The following GNAQ variants were observed in gnomAD, a reference collection of about 807,000 sequenced individuals.
GNAQ encodes the protein G protein subunit alpha q.
A neutral mutation model predicts 43.9 loss-of-function variants in GNAQ; 8 were observed. The observed-to-expected ratio is 0.18, with a 90% CI of 0.11 to 0.33. The LOEUF is 0.33. Ranked by LOEUF, GNAQ falls within the 10% of genes least tolerant of loss-of-function variation. The pLI is 1.00. For missense variants in GNAQ, 158 were observed against 450.8 expected, an observed-to-expected ratio of 0.35 and a Z score of 5.88; for synonymous variants, 155 against 170.7, an observed-to-expected ratio of 0.91 and a Z score of 0.71.
intron 2 of GNAQ, among the ~76,000 whole-genome samples, chr9:77,893,496 A>C (rs1828437885): frequency 6.6e-6 from 1 of 152,244 alleles, no homozygotes. Context: ...TTTAGCACAG[A>C]ATCAAGAAAT....
intron 5 of GNAQ, among the ~76,000 whole-genome samples, chr9:77,743,224 C>T (rs1480036599): frequency 1.3e-5 from 2 of 152,152 alleles, no homozygotes; most frequent in East Asian, 3.9e-4. Context: ...TGCCACTGCA[C>T]TCCAGCCTCA....
At chr9:77,809,978 A>C (rs887672931) in intron 3 of GNAQ, among the ~76,000 whole-genome samples, 2 of 152,190 alleles carry the variant, frequency 1.3e-5, no homozygotes, top group African/African-American at 4.8e-5. Flanking sequence ...AAACATGGCT[A>C]AGTTTTCATA....
chr9:77,875,642 C>T (rs1028855508), intron 2 of GNAQ, among the ~76,000 whole-genome samples: 1 of 152,200 alleles, frequency 6.6e-6, no homozygotes, highest in South Asian at 2.1e-4. Context: ...ATGAGTTGGT[C>T]GCCCTTTTCC....
intron 3 of GNAQ, among the ~76,000 whole-genome samples, chr9:77,814,656 T>C (rs1358933684): frequency 2.0e-5 from 3 of 152,198 alleles, no homozygotes; most frequent in African/African-American, 7.2e-5. Flanking sequence ...CCATGCACTT[T>C]TGAGTGATGT....
intron 5 of GNAQ, among the ~76,000 whole-genome samples, chr9:77,756,819 T>C (rs1389587159): frequency 6.6e-6 from 1 of 152,218 alleles, no homozygotes; most frequent in East Asian, 1.9e-4. Flanking sequence ...TTTCCTTATC[T>C]GTAAAATGAG....
At chr9:77,977,202 A>G (rs1379378629) in intron 1 of GNAQ, among the ~76,000 whole-genome samples, 1 of 152,156 alleles carries the variant, frequency 6.6e-6, no homozygotes, top group African/African-American at 2.4e-5. Context: ...TCCTTCAGCT[A>G]TTGGCACTAA....
intron 1 of GNAQ, among the ~76,000 whole-genome samples, chr9:78,013,158 A>G (rs554718904): frequency 6.6e-6 from 1 of 152,298 alleles, no homozygotes; most frequent in East Asian, 1.9e-4. Flanking sequence ...TGAACACCAT[A>G]AACACCTCTC....
chr9:77,775,673 C>G (rs1259934075), intron 5 of GNAQ, among the ~76,000 whole-genome samples: 1 of 151,900 alleles, frequency 6.6e-6, no homozygotes, highest in East Asian at 1.9e-4. Context: ...GCTGGGATTA[C>G]AGGCATGAGC....
In GNAQ at chr9:77,922,320, C is replaced by T. The variant is rs138155647; in HGVS notation, c.162G>A (p.Thr54=). ...LLGTGESGKS[T]FIKQMRIIHG... ...GGATGATTCTCATCTGCTTGATAAA[C>T]GTACTCTTGCCACTCTCTCCTGTCC... is the stretch of plus-strand genomic sequence containing the variant. The change falls in exon 2 of 7, where the codon ACG becomes ACA. Residue 54 remains threonine, a synonymous_variant. Coordinates refer to ENST00000286548, the MANE Select transcript of GNAQ (RefSeq NM_002072.5). The T allele has an allele frequency of 2.8e-4, 445 of 1,613,016 alleles. 2 individuals carry two copies. The African/African-American group carries it at 5.0e-3, about 18-fold the overall frequency.
chr9:77,963,553 A>G (rs1823130810), intron 1 of GNAQ, among the ~76,000 whole-genome samples: 1 of 152,202 alleles, frequency 6.6e-6, no homozygotes, highest in South Asian at 2.1e-4. Flanking sequence ...AAAAAGCACA[A>G]TCAAAGCAAT....
At chr9:77,814,612 CT>C (rs1826982926) in intron 3 of GNAQ, among the ~76,000 whole-genome samples, 1 of 152,156 alleles carries the variant, frequency 6.6e-6, no homozygotes, top group South Asian at 2.1e-4. Flanking sequence ...GACAATTTTA[CT>C]GAAAAAACAG....
intron 5 of GNAQ, among the ~76,000 whole-genome samples, chr9:77,735,265 C>A (rs886311718): frequency 1.1e-4 from 17 of 152,244 alleles, no homozygotes; most frequent in African/African-American, 4.1e-4. Context: ...CTAAAGAACA[C>A]CTTACAGATT....
intron 2 of GNAQ, among the ~76,000 whole-genome samples, chr9:77,864,536 G>A (rs539564074): frequency 6.6e-6 from 1 of 152,298 alleles, no homozygotes; most frequent in Admixed American, 6.5e-5. Flanking sequence ...GTGATGCAAA[G>A]TGAGATGGAC....
chr9:77,809,702 A>G (rs11999364), intron 3 of GNAQ, among the ~76,000 whole-genome samples: 2,007 of 152,238 alleles, frequency 0.013, 40 homozygotes, highest in African/African-American at 0.044. Flanking sequence ...GGAATTTCCT[A>G]CCTCTGTGGT....
At chr9:77,767,743 G>A (rs1010590975) in intron 5 of GNAQ, among the ~76,000 whole-genome samples, 1 of 152,126 alleles carries the variant, frequency 6.6e-6, no homozygotes, top group Non-Finnish European at 1.5e-5. Flanking sequence ...GTCTGTCTTC[G>A]TAGGATTTTA....
At chr9:77,870,532 T>G (rs1271719293) in intron 2 of GNAQ, among the ~76,000 whole-genome samples, 2 of 151,910 alleles carry the variant, frequency 1.3e-5, no homozygotes, top group Non-Finnish European at 2.9e-5. Flanking sequence ...TTTACCGTGT[T>G]AGCCAGGATG....
chr9:77,951,698 A>G (rs1822979893), intron 1 of GNAQ, among the ~76,000 whole-genome samples: 1 of 152,178 alleles, frequency 6.6e-6, no homozygotes, highest in Non-Finnish European at 1.5e-5. Context: ...GAGAGGCTGC[A>G]TAGATGAGCT....
At chr9:77,835,616 C>A (rs527699052) in intron 2 of GNAQ, among the ~76,000 whole-genome samples, 1 of 152,256 alleles carries the variant, frequency 6.6e-6, no homozygotes, top group African/African-American at 2.4e-5. Flanking sequence ...CAGGCAGGCA[C>A]CATTCTAAGC....
intron 3 of GNAQ, among the ~76,000 whole-genome samples, chr9:77,803,265 A>G (rs188330569): frequency 1.9e-4 from 29 of 152,350 alleles, no homozygotes; most frequent in Non-Finnish European, 3.1e-4. Context: ...GACAACACAG[A>G]AAGAGAAAGC....
Sources: allele counts gnomAD v4.1 joint callset (sites outside exome capture counted in the v4.1 genomes callset), GRCh38; gene constraint gnomAD v4.1.1; transcripts MANE v1.5; gene names NCBI Gene and HGNC (gene_info 2026-07-23, HGNC 2026-07-21).